The following FAAH2 variants were observed in gnomAD, a reference collection of about 807,000 sequenced individuals.
FAAH2 encodes fatty-acid amide hydrolase 2.
In FAAH2, 60 loss-of-function variants were observed where a neutral mutation model predicts 36.9. That is an observed-to-expected ratio of 1.63 (90% CI 1.32 to 2.02). FAAH2 has a LOEUF of 2.02. Ranked by LOEUF, FAAH2 falls within the 30% of genes most tolerant of loss-of-function variation. The pLI is 0.00. For synonymous variants in FAAH2, 214 were observed against 143.8 expected, an observed-to-expected ratio of 1.49 and a Z score of -3.49; for missense variants, 689 against 397.5, an observed-to-expected ratio of 1.73 and a Z score of -6.23.
chrX:57,184,513 G>T, the FAAH2 span, among the ~76,000 whole-genome samples: 1 of 112,225 alleles, frequency 8.9e-6, no homozygotes, highest in South Asian at 3.6e-4. Context: ...TTGAAATATT[G>T]GGGGTGGGTT....
chrX:57,330,962 C>G (rs148398232), intron 3 of FAAH2, among the ~76,000 whole-genome samples: 1,623 of 110,538 alleles, frequency 0.015, 26 homozygotes, highest in African/African-American at 0.051. Flanking sequence ...CAGGATCAGA[C>G]TTGGGCCCTG....
At chrX:57,322,867 T>C (rs1024215084) in intron 3 of FAAH2, among the ~76,000 whole-genome samples, 2 of 110,191 alleles carry the variant, frequency 1.8e-5, no homozygotes, top group Admixed American at 2.0e-4. Context: ...AGTTTTAGGG[T>C]ACAGGTGCAC....
chrX:57,142,988 G>A, the FAAH2 span, among the ~76,000 whole-genome samples: 1 of 110,976 alleles, frequency 9.0e-6, no homozygotes, highest in Non-Finnish European at 1.9e-5. Flanking sequence ...TTTTAGGTCT[G>A]TTGTATGTCT....
chrX:57,330,917 C>T (rs771132884), intron 3 of FAAH2, among the ~76,000 whole-genome samples: 2 of 110,130 alleles, frequency 1.8e-5, no homozygotes, highest in South Asian at 8.0e-4. Context: ...GATGCAGGGC[C>T]CCAGGACGTA....
the FAAH2 span, among the ~76,000 whole-genome samples, chrX:57,142,249 T>A: frequency 1.8e-5 from 2 of 112,098 alleles, no homozygotes; most frequent in Non-Finnish European, 3.8e-5. Context: ...ATTGCTACAG[T>A]CTTTCCTCTT....
the FAAH2 span, among the ~76,000 whole-genome samples, chrX:57,263,636 G>T: frequency 9.0e-6 from 1 of 111,630 alleles, no homozygotes; most frequent in African/African-American, 3.2e-5. Flanking sequence ...AAAGAAAATA[G>T]AATAGCTTAT....
the FAAH2 span, among the ~76,000 whole-genome samples, chrX:57,201,560 T>C: frequency 8.9e-6 from 1 of 112,271 alleles, no homozygotes; most frequent in Non-Finnish European, 1.9e-5. Flanking sequence ...GATTATTAAA[T>C]GCCTTGAATT....
At chrX:57,342,640 C>T (rs2053716524) in intron 5 of FAAH2, among the ~76,000 whole-genome samples, 3 of 110,898 alleles carry the variant, frequency 2.7e-5, no homozygotes, top group African/African-American at 9.8e-5. Flanking sequence ...TTTTATTCTA[C>T]GTTCAGGGGG....
chrX:57,309,425 G>A (rs751974786), intron 2 of FAAH2, among the ~76,000 whole-genome samples: 2 of 111,873 alleles, frequency 1.8e-5, no homozygotes, highest in Non-Finnish European at 3.8e-5. Flanking sequence ...AGGAATTTCC[G>A]AAGTGCAGTA....
Position 57,286,843 on chromosome X carries a change from C to T in FAAH2, c.18C>T (p.Thr6=), listed in dbSNP as rs775477104. 12 of 1,180,801 alleles carry T rather than the reference C, an allele frequency of 1.0e-5. No individual in the cohort carries two copies. Among genetic ancestry groups the T allele is most frequent in the Non-Finnish European group, 1.3e-5 (11 of 879,346 alleles). Residue 6 remains threonine, a synonymous_variant, in exon 1 of 11, where the codon ACC becomes ACT. Coordinates refer to ENST00000374900, the MANE Select transcript of FAAH2 (RefSeq NM_174912.4). The part of the protein sequence containing the change: MAPSF[T]ARIQLFLLRA... Reference sequence around the variant, plus strand: ...AGGCTGCGATGGCACCTTCATTTACCGCCCGCATTCAGTTGTTCCTCTTGC... The same window carrying T: ...AGGCTGCGATGGCACCTTCATTTACTGCCCGCATTCAGTTGTTCCTCTTGC...
At chrX:57,379,468 A>G (rs1177850479) in intron 6 of FAAH2, among the ~76,000 whole-genome samples, 2 of 108,868 alleles carry the variant, frequency 1.8e-5, no homozygotes, top group Non-Finnish European at 3.8e-5. Context: ...ATTCTCTCAG[A>G]TCTTTGTTCC....
At chrX:57,144,193 T>C in the FAAH2 span, among the ~76,000 whole-genome samples, 1 of 111,614 alleles carries the variant, frequency 9.0e-6, no homozygotes, top group Non-Finnish European at 1.9e-5. Context: ...GTGTCAGAGG[T>C]CCTTTACATG....
the FAAH2 span, among the ~76,000 whole-genome samples, chrX:57,233,704 A>G: frequency 0.071 from 7,965 of 112,321 alleles, 702 homozygotes; most frequent in African/African-American, 0.25. Flanking sequence ...CAGTGGCACA[A>G]TCTGGGCTCA....
the FAAH2 span, among the ~76,000 whole-genome samples, chrX:57,174,202 G>T: frequency 1.8e-5 from 2 of 108,522 alleles, no homozygotes; most frequent in Non-Finnish European, 3.8e-5. Context: ...AATCTCTCTA[G>T]CCCCGAGATT....
At chrX:57,275,750 C>CA in the FAAH2 span, among the ~76,000 whole-genome samples, 48,939 of 109,109 alleles carry the variant, frequency 0.45, 11,202 homozygotes, top group African/African-American at 0.88. Context: ...AAAGGAAAGC[C>CA]AAAAAAAGAA....
At chrX:57,396,278 T>A (rs985264365) in intron 7 of FAAH2, among the ~76,000 whole-genome samples, 1 of 111,593 alleles carries the variant, frequency 9.0e-6, no homozygotes, top group Admixed American at 9.5e-5. Flanking sequence ...GAACAAACTT[T>A]TCATTTTAAT....
chrX:57,385,833 G>T (rs760191195), intron 7 of FAAH2, among the ~76,000 whole-genome samples: 1 of 109,299 alleles, frequency 9.1e-6, no homozygotes, highest in East Asian at 2.9e-4. Flanking sequence ...GCGTCAACCC[G>T]GGAGGCGGAG....
chrX:57,342,123 A>G (rs2053701983), intron 5 of FAAH2, among the ~76,000 whole-genome samples: 1 of 111,960 alleles, frequency 8.9e-6, no homozygotes, highest in Non-Finnish European at 1.9e-5. Context: ...TCCTCATTTG[A>G]TCATGGTTTT....
chrX:57,454,218 A>G (rs1397953090), intron 10 of FAAH2, among the ~76,000 whole-genome samples: 2 of 112,413 alleles, frequency 1.8e-5, no homozygotes, highest in African/African-American at 3.2e-5. Flanking sequence ...TTTTGCAAGT[A>G]TGTATCACCT....
Sources: allele counts gnomAD v4.1 joint callset (sites outside exome capture counted in the v4.1 genomes callset), GRCh38; gene constraint gnomAD v4.1.1; transcripts MANE v1.5; gene names NCBI Gene and HGNC (gene_info 2026-07-23, HGNC 2026-07-21).